EXT2: variants seen among roughly 807,000 people sequenced by gnomAD.
EXT2 encodes exostosin-2.
A neutral mutation model predicts 81.6 loss-of-function variants in EXT2; 53 were observed. The ratio of observed to expected loss-of-function variants is 0.65; its 90% CI spans 0.52 to 0.82. EXT2 has a LOEUF of 0.82. Ranked by LOEUF, EXT2 falls within the 40% of genes least tolerant of loss-of-function variation. The pLI is 0.00. For missense variants in EXT2, 774 were observed against 910.2 expected, an observed-to-expected ratio of 0.85 and a Z score of 1.93; for synonymous variants, 320 against 340.0, an observed-to-expected ratio of 0.94 and a Z score of 0.65.
At chr11:44,144,683 T>C (rs1286620755) in intron 7 of EXT2, among the ~76,000 whole-genome samples, 1 of 152,204 alleles carries the variant, frequency 6.6e-6, no homozygotes, top group Non-Finnish European at 1.5e-5. Context: ...TCAGGAGCTG[T>C]CTGTCACATG....
chr11:44,184,248 A>G (rs1955276669), intron 8 of EXT2, among the ~76,000 whole-genome samples: 1 of 152,222 alleles, frequency 6.6e-6, no homozygotes, highest in Admixed American at 6.5e-5. Context: ...GTTGGTGAAA[A>G]CATGCTGTTC....
intron 3 of EXT2, among the ~76,000 whole-genome samples, chr11:44,112,885 C>A (rs1954165963): frequency 6.6e-6 from 1 of 152,176 alleles, no homozygotes; most frequent in South Asian, 2.1e-4. Context: ...AGCCTAATCA[C>A]CCACGACCCT....
At chr11:44,100,181 C>A (rs973930594) in intron 1 of EXT2, among the ~76,000 whole-genome samples, 183 of 152,230 alleles carry the variant, frequency 1.2e-3, no homozygotes, top group African/African-American at 4.3e-3. Flanking sequence ...CCTCTCCTTA[C>A]TTCCACACTC....
At chr11:44,200,150 A>T (rs1955505450) in intron 9 of EXT2, among the ~76,000 whole-genome samples, 2 of 149,784 alleles carry the variant, frequency 1.3e-5, no homozygotes, top group Admixed American at 6.7e-5. Flanking sequence ...CATATATATT[A>T]TAAAAAAAAA....
At chr11:44,129,072 AC>A (rs1954452143) in intron 6 of EXT2, among the ~76,000 whole-genome samples, 1 of 152,104 alleles carries the variant, frequency 6.6e-6, no homozygotes, top group Non-Finnish European at 1.5e-5. Context: ...TCTCTTACCC[AC>A]CACATCTAAT....
chr11:44,153,757 C>T (rs539806299), intron 7 of EXT2, among the ~76,000 whole-genome samples: 61 of 152,044 alleles, frequency 4.0e-4, no homozygotes, highest in African/African-American at 1.5e-3. Context: ...TTTTCTGTAT[C>T]TATTGGTGTG....
intron 2 of EXT2, 50 bp from the exon 3 acceptor site, chr11:44,109,144 C>A (rs1240617835): frequency 3.1e-6 from 5 of 1,593,228 alleles, no homozygotes; most frequent in African/African-American, 2.7e-5. Context: ...TGACTCTTGT[C>A]TTTTCATAGT....
chr11:44,134,978 C>T (rs1344586821), intron 7 of EXT2, among the ~76,000 whole-genome samples: 1 of 152,208 alleles, frequency 6.6e-6, no homozygotes, highest in Non-Finnish European at 1.5e-5. Flanking sequence ...TACACTGATC[C>T]ATCTCAATGT....
At chr11:44,215,397 G>A (rs1490704621) in intron 10 of EXT2, among the ~76,000 whole-genome samples, 1 of 152,094 alleles carries the variant, frequency 6.6e-6, no homozygotes, top group African/African-American at 2.4e-5. Context: ...ACTTTTGTCA[G>A]ATTTTTAAGT....
chr11:44,147,769 C>CATTTT, intron 7 of EXT2, among the ~76,000 whole-genome samples: 1 of 55,044 alleles, frequency 1.8e-5, no homozygotes, highest in South Asian at 6.5e-4. Context: ...TTGTACTCCA[C>CATTTT]ATTGTCTTTT....
At chr11:44,101,538 G>A (rs1953982767) in intron 1 of EXT2, among the ~76,000 whole-genome samples, 1 of 152,172 alleles carries the variant, frequency 6.6e-6, no homozygotes, top group South Asian at 2.1e-4. Flanking sequence ...TGCGGTGGAG[G>A]CATCAGAACT....
rs1564994120 is a variant in EXT2 at position 44,251,758 on chromosome 11, A to T, written c.*7471A>T. On this transcript the variant is annotated 3_prime_UTR_variant, in exon 14 of 14. Transcript: ENST00000533608. The stretch of plus-strand genomic sequence containing the variant: ...AGATTCTTTTCCCTTAAAAAATAAA[A>T]AAACCTGATGTGATGGGTTCCTTCA... Among the ~76,000 whole-genome samples the T allele has an allele frequency of 6.6e-6, 1 of 152,222 alleles. No homozygotes were observed. Among genetic ancestry groups the T allele is most frequent in the Non-Finnish European group, 1.5e-5 (1 of 68,036 alleles).
rs1565196256 is a variant in EXT2 at position 44,107,886 on chromosome 11, A to T, written c.174A>T (p.Val58=). Residue 58 remains valine (V), a synonymous_variant, in exon 2 of 14, where the codon GTA becomes GTT. Coordinates refer to ENST00000533608, the MANE Select transcript of EXT2 (RefSeq NM_207122.2). Reference sequence around the variant, plus strand: ...TCGAGTCCTCAAATGACTGGAATGTAGAGAAGCGCAGCATCCGTGATGTGC... The same window carrying T: ...TCGAGTCCTCAAATGACTGGAATGTTGAGAAGCGCAGCATCCGTGATGTGC... ...HSIESSNDWN[V]EKRSIRDVPV... 1 of 1,614,218 alleles carries T rather than the reference A, an allele frequency of 6.2e-7. No homozygotes were observed. Among genetic ancestry groups the T allele is most frequent in the Non-Finnish European group, 8.5e-7 (1 of 1,180,036 alleles).
intron 1 of EXT2, among the ~76,000 whole-genome samples, chr11:44,097,203 C>A (rs955729559): frequency 1.3e-5 from 2 of 152,038 alleles, no homozygotes; most frequent in Non-Finnish European, 2.9e-5. Context: ...TAAAACAGAC[C>A]CTGGCATGTA....
chr11:44,242,652 G>A (rs1322690702), intron 13 of EXT2, among the ~76,000 whole-genome samples: 1 of 152,062 alleles, frequency 6.6e-6, no homozygotes, highest in Non-Finnish European at 1.5e-5. Flanking sequence ...GGGGTGATGA[G>A]TATGGGGGAG....
rs768370047 is a variant in EXT2 at position 44,144,249 on chromosome 11, C to T, written c.1173+14111C>T. The T allele has an allele frequency of 3.1e-6, 5 of 1,598,206 alleles. No homozygotes were observed. The South Asian group carries it at 5.5e-5, about 18-fold the overall frequency. ...AAGGTTTCCAATTCACCTTTCAGCT[C>T]TTCATGGAACCAGCCAGGAGAGAGA... On this transcript the variant is annotated intron_variant, in intron 7 of 13. Transcript: ENST00000533608.
At chr11:44,219,825 C>G (rs1000190878) in intron 10 of EXT2, among the ~76,000 whole-genome samples, 6 of 152,214 alleles carry the variant, frequency 3.9e-5, no homozygotes, top group African/African-American at 1.4e-4. Flanking sequence ...GCATCCCTAA[C>G]AGAGGAACCA....
intron 7 of EXT2, among the ~76,000 whole-genome samples, chr11:44,149,774 C>A (rs78392483): frequency 1.3e-5 from 2 of 152,100 alleles, no homozygotes; most frequent in African/African-American, 4.8e-5. Flanking sequence ...TAATATGCTT[C>A]GAAATGGATG....
In EXT2 at chr11:44,249,124, G is replaced by A. The variant is rs1956120164; in HGVS notation, c.*4837G>A. On this transcript the variant is annotated 3_prime_UTR_variant, in exon 14 of 14. Transcript: ENST00000533608. The stretch of plus-strand genomic sequence containing the variant: ...CAGTCTTCCCATCTCAGCCTTCCAA[G>A]TAGCTGAGACTAAAAGCGTGCACCA... Among the ~76,000 whole-genome samples the A allele has an allele frequency of 1.3e-5, 2 of 152,058 alleles. No homozygotes were observed. The highest frequency in any genetic ancestry group is 6.6e-5 in the Admixed American group (1 of 15,256).
Sources: gnomAD v4.1 joint callset for allele counts (sites outside exome capture counted in the v4.1 genomes callset) on GRCh38, gnomAD v4.1.1 for gene constraint, MANE v1.5 for transcripts, NCBI Gene and HGNC (gene_info 2026-07-23, HGNC 2026-07-21) for gene names.